Variants in CSMD1 observed in about 807,000 individuals in gnomAD.
The protein encoded by CSMD1 is CUB and sushi domain-containing protein 1.
A neutral mutation model predicts 417.5 loss-of-function variants in CSMD1; 213 were observed. That is an observed-to-expected ratio of 0.51 (90% CI 0.46 to 0.57). The LOEUF (loss-of-function observed/expected upper bound fraction) is 0.57. Ranked by LOEUF, CSMD1 falls within the 20% of genes least tolerant of loss-of-function variation. The pLI is 0.00. For missense variants in CSMD1, 6,923 were observed against 4,529.7 expected (o/e 1.53, Z -15.17); for synonymous variants, 2,862 against 1,736.8 (o/e 1.65, Z -16.11).
rs78111370 is a variant in CSMD1 at position 3,520,816 on chromosome 8, G to A, written c.1345-27090C>T. Among the ~76,000 whole-genome samples the A allele has an allele frequency of 1.2e-3, 184 of 152,116 alleles. 1 individual carries two copies. Among genetic ancestry groups the A allele is most frequent in the African/African-American group, 4.2e-3 (173 of 41,512 alleles). ...CATCTGTAGAGGAAATCTCCACTAG[G>A]AAACATCAACACCTCAAATACAACC... On this transcript the variant is annotated intron_variant, in intron 10 of 69. Coordinates refer to ENST00000635120, the MANE Select transcript of CSMD1 (RefSeq NM_033225.6).
At chr8:4,765,379 T>C (rs769957200) in intron 1 of CSMD1, among the ~76,000 whole-genome samples, 3 of 152,222 alleles carry the variant, frequency 2.0e-5, no homozygotes, top group Non-Finnish European at 4.4e-5. Context: ...CATCATCGGA[T>C]TGTCAGATAA....
At chr8:4,070,967 T>C (rs925838028) in intron 3 of CSMD1, among the ~76,000 whole-genome samples, 5 of 152,224 alleles carry the variant, frequency 3.3e-5, no homozygotes, top group African/African-American at 7.2e-5. Context: ...TCAGCAATAA[T>C]TTAAATTGTT....
intron 7 of CSMD1, among the ~76,000 whole-genome samples, chr8:3,677,248 G>A (rs988224149): frequency 6.6e-6 from 1 of 152,128 alleles, no homozygotes; most frequent in South Asian, 2.1e-4. Context: ...AAGATTAATA[G>A]CATGCATCGA....
chr8:3,903,381 T>A (rs540985191), intron 5 of CSMD1, among the ~76,000 whole-genome samples: 1 of 152,136 alleles, frequency 6.6e-6, no homozygotes, highest in Non-Finnish European at 1.5e-5. Flanking sequence ...AATTGCACTA[T>A]GTCATTATCA....
rs533938925 is a variant in CSMD1 at position 3,665,444 on chromosome 8, G to T, written c.1009+42970C>A. Among the ~76,000 whole-genome samples, 45 of 152,174 alleles carry T rather than the reference G, an allele frequency of 3.0e-4. No homozygotes were observed. In the Middle Eastern group the frequency reaches 0.01, roughly 35 times the overall value. On this transcript the variant is annotated intron_variant, in intron 7 of 69. Coordinates refer to ENST00000635120, the MANE Select transcript of CSMD1 (RefSeq NM_033225.6). ...CTCCGGAGGCTGAGGCACAAGAATT[G>T]CTTGAACCCGGGAGACGGAGGTTGC...
At chr8:4,251,981 A>T (rs1383405592) in intron 3 of CSMD1, among the ~76,000 whole-genome samples, 1 of 151,940 alleles carries the variant, frequency 6.6e-6, no homozygotes. Flanking sequence ...TAAGGAGAAA[A>T]CAGAGCTAAT....
intron 11 of CSMD1, among the ~76,000 whole-genome samples, chr8:3,484,975 G>A (rs932833745): frequency 6.6e-6 from 1 of 152,116 alleles, no homozygotes; most frequent in African/African-American, 2.4e-5. Context: ...CTGTGATGTT[G>A]GAGAACCATG....
intron 37 of CSMD1, among the ~76,000 whole-genome samples, chr8:3,176,221 A>T (rs1468009281): frequency 6.6e-6 from 1 of 152,196 alleles, no homozygotes; most frequent in South Asian, 2.1e-4. Flanking sequence ...AATACTTTCT[A>T]TTGTAAGCCA....
chr8:4,644,811 C>T (rs190389365), intron 1 of CSMD1, among the ~76,000 whole-genome samples: 2 of 152,354 alleles, frequency 1.3e-5, no homozygotes, highest in East Asian at 3.9e-4. Flanking sequence ...TGTAAACCTT[C>T]CAAGAGTGAA....
chr8:4,824,586 T>C (rs1277221331), intron 1 of CSMD1, among the ~76,000 whole-genome samples: 2 of 152,174 alleles, frequency 1.3e-5, no homozygotes, highest in Non-Finnish European at 2.9e-5. Flanking sequence ...AGACAGTCTT[T>C]CAATTTCAAA....
In CSMD1 at chr8:3,787,064, T is replaced by A. The variant is rs554932372; in HGVS notation, c.819-33022A>T. On this transcript the variant is annotated intron_variant, in intron 5 of 69. Transcript: ENST00000635120. ...TGTGAAGTGTCATATTTATTCTGAG[T>A]TTAGAGTGTGTTTACAGAGGGTTAA... is the stretch of plus-strand genomic sequence containing the variant. Among the ~76,000 whole-genome samples the A allele has an allele frequency of 6.6e-5, 10 of 152,232 alleles. No homozygotes were observed. The South Asian group carries it at 2.1e-3, about 31-fold the overall frequency.
chr8:4,042,694 T>C (rs1418409578), intron 3 of CSMD1, among the ~76,000 whole-genome samples: 1 of 151,474 alleles, frequency 6.6e-6, no homozygotes, highest in Non-Finnish European at 1.5e-5. Flanking sequence ...ATATATATTT[T>C]AGGTTTCTAA....
intron 3 of CSMD1, among the ~76,000 whole-genome samples, chr8:4,308,033 C>A (rs560719217): frequency 6.6e-6 from 1 of 152,148 alleles, no homozygotes; most frequent in Non-Finnish European, 1.5e-5. Context: ...TACAGAGCAA[C>A]GCCAGACATG....
chr8:3,481,376 T>G (rs980800398), intron 11 of CSMD1, among the ~76,000 whole-genome samples: 1 of 152,094 alleles, frequency 6.6e-6, no homozygotes, highest in Non-Finnish European at 1.5e-5. Context: ...AAACAACAAT[T>G]AGAACAGCGT....
intron 51 of CSMD1, among the ~76,000 whole-genome samples, chr8:3,021,741 A>C (rs1809420595): frequency 8.4e-6 from 1 of 118,930 alleles, no homozygotes; most frequent in African/African-American, 2.7e-5. Context: ...AGCATCTGGA[A>C]TGCACCTGCA....
chr8:4,361,830 C>T (rs984501671), intron 3 of CSMD1, among the ~76,000 whole-genome samples: 2 of 152,078 alleles, frequency 1.3e-5, no homozygotes, highest in Non-Finnish European at 2.9e-5. Flanking sequence ...TGCGGGGCGC[C>T]TGTACTCCCA....
intron 12 of CSMD1, among the ~76,000 whole-genome samples, chr8:3,425,832 G>A (rs1217455158): frequency 3.3e-5 from 5 of 152,104 alleles, no homozygotes; most frequent in African/African-American, 1.2e-4. Flanking sequence ...ACATTGAGGT[G>A]AAGAACTATG....
intron 1 of CSMD1, among the ~76,000 whole-genome samples, chr8:4,783,113 CAG>C (rs1318208724): frequency 1.3e-5 from 2 of 152,196 alleles, no homozygotes; most frequent in African/African-American, 4.8e-5. Flanking sequence ...TATTCAATCA[CAG>C]AGTTAACATG....
intron 5 of CSMD1, among the ~76,000 whole-genome samples, chr8:3,873,896 A>G (rs1235072884): frequency 6.6e-6 from 1 of 152,104 alleles, no homozygotes; most frequent in African/African-American, 2.4e-5. Flanking sequence ...GAACTGGGGG[A>G]GGTCACTGAT....
Sources: allele counts gnomAD v4.1 joint callset (sites outside exome capture counted in the v4.1 genomes callset), GRCh38; gene constraint gnomAD v4.1.1; transcripts MANE v1.5; gene names NCBI Gene and HGNC (gene_info 2026-07-23, HGNC 2026-07-21).